The following LNX1 variants were observed in gnomAD, a reference collection of about 807,000 sequenced individuals.
LNX1 encodes the protein ligand of numb-protein X 1.
A neutral mutation model predicts 68.4 loss-of-function variants in LNX1; 54 were observed. The observed-to-expected ratio is 0.79, with a 90% confidence interval of 0.63 to 0.99. LNX1 has a LOEUF of 0.99. Among genes scored for constraint, LNX1 ranks in the 50% least tolerant of loss-of-function variants. LNX1 has a pLI of 0.00. For synonymous variants in LNX1, 336 were observed against 350.0 expected (o/e 0.96, Z 0.45); for missense variants, 906 against 926.4 (o/e 0.98, Z 0.29).
chr4:53,587,111 T>G (rs1417868211), intron 1 of LNX1, among the ~76,000 whole-genome samples: 2 of 152,212 alleles, frequency 1.3e-5, no homozygotes, highest in Admixed American at 6.5e-5. Flanking sequence ...CTACTACATT[T>G]TCGGACAACT....
intron 2 of LNX1, among the ~76,000 whole-genome samples, chr4:53,547,919 G>GA (rs1729220005): frequency 1.1e-5 from 1 of 88,130 alleles, no homozygotes. Context: ...GAACCTGACA[G>GA]GGACCTACCA....
intron 1 of LNX1, among the ~76,000 whole-genome samples, chr4:53,625,474 A>C (rs756503462): frequency 6.6e-6 from 1 of 152,188 alleles, no homozygotes; most frequent in African/African-American, 2.4e-5. Context: ...GATGTTCAAC[A>C]TCATTAATAA....
upstream of LNX1, among the ~76,000 whole-genome samples, chr4:53,621,268 C>T (rs1219394220): frequency 6.6e-6 from 1 of 152,150 alleles, no homozygotes; most frequent in Non-Finnish European, 1.5e-5. Context: ...AATTATATTC[C>T]CTGTGCAGTG....
chr4:53,538,610 T>C (rs1728540482), intron 2 of LNX1, among the ~76,000 whole-genome samples: 1 of 152,242 alleles, frequency 6.6e-6, no homozygotes, highest in Admixed American at 6.5e-5. Context: ...TTAAACCTAG[T>C]ATCATGGCAT....
chr4:53,554,377 G>A (rs917952321), intron 2 of LNX1, among the ~76,000 whole-genome samples: 5 of 152,196 alleles, frequency 3.3e-5, no homozygotes, highest in African/African-American at 4.8e-5. Flanking sequence ...TGGCCAAGTC[G>A]TTATAAACTA....
intron 2 of LNX1, among the ~76,000 whole-genome samples, chr4:53,613,260 A>G (rs1227627875): frequency 1.3e-5 from 2 of 152,068 alleles, no homozygotes; most frequent in Admixed American, 1.3e-4. Context: ...TTATGAAAAT[A>G]TATGAATGTG....
chr4:53,549,588 T>C (rs1263709910), intron 2 of LNX1: 1 of 151,950 alleles, frequency 6.6e-6, no homozygotes, highest in East Asian at 1.9e-4. Flanking sequence ...ATATTAGTAT[T>C]GTGCTCACAT....
intron 2 of LNX1, among the ~76,000 whole-genome samples, chr4:53,531,788 T>C (rs903244988): frequency 2.0e-5 from 3 of 152,216 alleles, no homozygotes; most frequent in African/African-American, 4.8e-5. Context: ...CAGATCATAA[T>C]TGCTGCTCAG....
Position 53,459,612 on chromosome 4 carries a change from A to G in LNX1, c.*1295T>C. 3.1e-6 allele frequency: 3 copies of G among 981,454 alleles called. No individual in the cohort carries two copies. Among genetic ancestry groups the G allele is most frequent in the Non-Finnish European group, 4.6e-6 (3 of 652,584 alleles). The allele number at this position is 981,454 out of a possible 1,614,324, so 60.8% of individuals were successfully genotyped here. A position where few individuals can be genotyped will look rare whatever the true frequency, so the allele number is the denominator to read the frequency against. On this transcript the variant is annotated 3_prime_UTR_variant, in exon 11 of 11. Transcript: ENST00000263925. ...AATAAAAGAGTGAATTTTTCATGTT[A>G]AGTTAAAAATCTTTGTCTTGTACTA...
At chr4:53,500,807 A>G (rs1725421485) in intron 4 of LNX1, among the ~76,000 whole-genome samples, 1 of 152,186 alleles carries the variant, frequency 6.6e-6, no homozygotes, top group African/African-American at 2.4e-5. Context: ...AGTAGGCTAT[A>G]CCACAGGCAA....
At chr4:53,637,323 A>C (rs886294967) in intron 1 of LNX1, among the ~76,000 whole-genome samples, 1 of 151,852 alleles carries the variant, frequency 6.6e-6, no homozygotes, top group African/African-American at 2.4e-5. Flanking sequence ...ATGACCCACT[A>C]AATGAATCTC....
chr4:53,505,916 G>A lies in LNX1; in HGVS notation c.775+1401C>T, dbSNP rs368007280. On this transcript the variant is annotated intron_variant, in intron 4 of 10. Transcript: ENST00000263925. ...GCAGGCTGGATAATGGAAGGGAGGT[G>A]AAAGAAAGATATACAGCATTTATAG... 3.3e-5 allele frequency among the ~76,000 whole-genome samples: 5 copies of A among 152,334 alleles called. 1 individual carries two copies. The South Asian group carries it at 6.2e-4, about 19-fold the overall frequency.
intron 1 of LNX1, among the ~76,000 whole-genome samples, chr4:53,646,438 T>A (rs1325087858): frequency 1.3e-5 from 2 of 152,188 alleles, no homozygotes; most frequent in Admixed American, 1.3e-4. Context: ...GCACTTACAA[T>A]TTCCTGTAAT....
intron 2 of LNX1, among the ~76,000 whole-genome samples, chr4:53,521,772 CTCT>C (rs1026336988): frequency 3.0e-4 from 45 of 152,154 alleles, no homozygotes; most frequent in African/African-American, 1.0e-3. Flanking sequence ...TAACTGAAAG[CTCT>C]TCTTCTTCTA....
chr4:53,642,358 T>A (rs62325512), intron 1 of LNX1, among the ~76,000 whole-genome samples: 5,329 of 152,082 alleles, frequency 0.035, 143 homozygotes, highest in Non-Finnish European at 0.052. Flanking sequence ...AATGTATACA[T>A]GCTTTTGAAC....
chr4:53,459,419 G>A lies in LNX1; in HGVS notation c.*1488C>T. ...CGGGCAGTGAGCCTGCCCCTGAACAGGAGAGCACCGAAGCTACACCTGCAG... is the reference window on the plus strand; with the variant it reads ...CGGGCAGTGAGCCTGCCCCTGAACAAGAGAGCACCGAAGCTACACCTGCAG... On this transcript the variant is annotated 3_prime_UTR_variant, in exon 11 of 11. Coordinates refer to ENST00000263925, the MANE Select transcript of LNX1 (RefSeq NM_001126328.3). 5 of 1,613,456 alleles carry A rather than the reference G, an allele frequency of 3.1e-6. No individual in the cohort carries two copies. The highest frequency in any genetic ancestry group is 4.2e-6 in the Non-Finnish European group (5 of 1,179,674).
chr4:53,650,619 A>AT (rs1276248678), intron 1 of LNX1, among the ~76,000 whole-genome samples: 3 of 152,154 alleles, frequency 2.0e-5, no homozygotes, highest in Admixed American at 2.0e-4. Flanking sequence ...GGAAGCTGGG[A>AT]TTCAAAATTA....
At chr4:53,490,160 C>T (rs944365326) in intron 6 of LNX1, among the ~76,000 whole-genome samples, 2 of 151,912 alleles carry the variant, frequency 1.3e-5, no homozygotes, top group Non-Finnish European at 2.9e-5. Flanking sequence ...TACACATATG[C>T]CGGTATTGAT....
intron 10 of LNX1, 27 bp downstream of exon 10, chr4:53,461,408 G>T (rs773256459): frequency 6.5e-7 from 1 of 1,541,702 alleles, no homozygotes; most frequent in Non-Finnish European, 8.9e-7. Context: ...TTTAATACAA[G>T]TATTTTTGAT....
Sources: gnomAD v4.1 joint callset for allele counts (sites outside exome capture counted in the v4.1 genomes callset) on GRCh38, gnomAD v4.1.1 for gene constraint, MANE v1.5 for transcripts, NCBI Gene and HGNC (gene_info 2026-07-23, HGNC 2026-07-21) for gene names.